The following TRIT1 variants were observed in gnomAD, a reference collection of about 807,000 sequenced individuals.
TRIT1 encodes the protein tRNA dimethylallyltransferase.
In TRIT1, 43 loss-of-function variants were observed where a neutral mutation model predicts 51.2. That is an observed-to-expected ratio of 0.84 (90% CI 0.66 to 1.08). The LOEUF is 1.08. Among genes scored for constraint, TRIT1 ranks in the 50% least tolerant of loss-of-function variants. The probability of loss-of-function intolerance (pLI) is 0.00; values close to 1 mark genes in which losing one functional copy is unlikely to be tolerated. For synonymous variants in TRIT1, 184 were observed against 203.9 expected, an observed-to-expected ratio of 0.90 and a Z score of 0.83; for missense variants, 528 against 578.4, an observed-to-expected ratio of 0.91 and a Z score of 0.89.
intron 1 of TRIT1, among the ~76,000 whole-genome samples, chr1:39,866,218 G>A (rs1476632233): frequency 6.6e-6 from 1 of 151,910 alleles, no homozygotes; most frequent in Non-Finnish European, 1.5e-5. Flanking sequence ...TGTCTCCCAG[G>A]CTAGAGTGCA....
rs1642281926 is a variant in TRIT1 at position 39,847,261 on chromosome 1, G to A, written c.965C>T (p.Ala322Val). The A allele has an allele frequency of 1.9e-6, 3 of 1,613,974 alleles. No individual in the cohort carries two copies. Among genetic ancestry groups the A allele is most frequent in the African/African-American group, 1.3e-5 (1 of 74,876 alleles). The change falls in exon 8 of 11, where the codon GCC (alanine) becomes GTC (valine). Residue 322 changes from alanine (A) to valine (V), a missense_variant. By Grantham distance (64) the Ala-to-Val change is moderately conservative. Around this residue, in one of 3 missense-constraint regions of TRIT1, gnomAD observed 468 missense variants for 522.6 expected, o/e 0.90. Coordinates refer to ENST00000316891, the MANE Select transcript of TRIT1 (RefSeq NM_017646.6). ...EALKQVTKRY[A>V]RKQNRWVKNR... ...TTTAACCCATCGGTTTTGTTTCCGG[G>A]CATATCTCTTAGTTACTTGTTTCAG...
At chr1:39,880,270 A>T (rs1249117621) in intron 1 of TRIT1, among the ~76,000 whole-genome samples, 99 of 64,278 alleles carry the variant, frequency 1.5e-3, no homozygotes, top group African/African-American at 0.011. Flanking sequence ...ACCTCAAATA[A>T]AAAAAAAAAA....
intron 3 of TRIT1, 46 bp from the exon 4 acceptor site, chr1:39,852,922 A>G: frequency 6.3e-7 from 1 of 1,591,352 alleles, no homozygotes; most frequent in Non-Finnish European, 8.6e-7. Flanking sequence ...ACCAACACTG[A>G]GACAGTGTAT....
At chr1:39,878,492 G>A (rs1002992665) in intron 1 of TRIT1, among the ~76,000 whole-genome samples, 1 of 152,186 alleles carries the variant, frequency 6.6e-6, no homozygotes, top group African/African-American at 2.4e-5. Flanking sequence ...TGAAGTACGA[G>A]ACAATTTAAC....
chr1:39,866,182 T>C (rs577982932), intron 1 of TRIT1, among the ~76,000 whole-genome samples: 1 of 152,224 alleles, frequency 6.6e-6, no homozygotes, highest in African/African-American at 2.4e-5. Context: ...ACATCTCTTC[T>C]AGTTCTTTTT....
intron 1 of TRIT1, among the ~76,000 whole-genome samples, chr1:39,866,209 G>A (rs149887989): frequency 1.4e-4 from 21 of 152,110 alleles, no homozygotes; most frequent in African/African-American, 4.6e-4. Flanking sequence ...CAGAGTCTCT[G>A]TCTCCCAGGC....
chr1:39,858,382 C>T (rs188725250), intron 1 of TRIT1, among the ~76,000 whole-genome samples: 108 of 152,272 alleles, frequency 7.1e-4, no homozygotes, highest in African/African-American at 2.4e-3. Flanking sequence ...ACTAGTTATT[C>T]GTAGTTGAAG....
chr1:39,879,598 G>A (rs2124691154), intron 1 of TRIT1, among the ~76,000 whole-genome samples: 1 of 151,966 alleles, frequency 6.6e-6, no homozygotes, highest in East Asian at 1.9e-4. Flanking sequence ...GCAGTGCCAG[G>A]CGCAGTGTCT....
chr1:39,878,661 T>C (rs1041754410), intron 1 of TRIT1, among the ~76,000 whole-genome samples: 4 of 152,198 alleles, frequency 2.6e-5, no homozygotes, highest in Non-Finnish European at 5.9e-5. Flanking sequence ...ACACTTTCTA[T>C]TTGGTCACCC....
intron 1 of TRIT1, among the ~76,000 whole-genome samples, chr1:39,857,836 T>G (rs1163777901): frequency 6.6e-6 from 1 of 152,208 alleles, no homozygotes; most frequent in South Asian, 2.1e-4. Context: ...TGGATTTAAA[T>G]AGCTCTAAAA....
rs542444850 is a variant in TRIT1, at chr1:39,846,483, C to T, written c.1006+737G>A. Among the ~76,000 whole-genome samples, 145 of 152,304 alleles carry T rather than the reference C, an allele frequency of 9.5e-4. 3 individuals are homozygous for T. The South Asian group carries it at 0.03, about 31-fold the overall frequency. On this transcript the variant is annotated intron_variant, in intron 8 of 10. Coordinates refer to ENST00000316891, the MANE Select transcript of TRIT1 (RefSeq NM_017646.6). ...ATGGTCCAATACTAATGCTGTCTTG[C>T]TAAAGTTACAGCTAAAGGAAGTAAG... is the stretch of plus-strand genomic sequence containing the variant.
intron 1 of TRIT1, among the ~76,000 whole-genome samples, chr1:39,880,470 A>T (rs1432413830): frequency 6.6e-6 from 1 of 152,162 alleles, no homozygotes; most frequent in Non-Finnish European, 1.5e-5. Context: ...AGTCAACCTC[A>T]AGTCACTGAA....
chr1:39,864,652 T>C (rs1643436175), intron 1 of TRIT1, among the ~76,000 whole-genome samples: 1 of 149,716 alleles, frequency 6.7e-6, no homozygotes, highest in South Asian at 2.1e-4. Flanking sequence ...AGTCCTGAAA[T>C]TGAGAAACCC....
intron 1 of TRIT1, among the ~76,000 whole-genome samples, chr1:39,862,417 A>G (rs543421146): frequency 7.9e-5 from 12 of 152,202 alleles, no homozygotes; most frequent in African/African-American, 2.9e-4. Flanking sequence ...AGAGCTGGTA[A>G]TGTTCTATTT....
chr1:39,847,939 G>A (rs752309680), intron 6 of TRIT1, 47 bp downstream of exon 6: 13 of 1,552,124 alleles, frequency 8.4e-6, no homozygotes, highest in Admixed American at 5.0e-5. Flanking sequence ...TCTTTTGATT[G>A]TCTGCAAAAT....
chr1:39,866,892 T>C (rs1026307027), intron 1 of TRIT1, among the ~76,000 whole-genome samples: 1 of 152,262 alleles, frequency 6.6e-6, no homozygotes, highest in East Asian at 1.9e-4. Context: ...CTCAGGAGAC[T>C]GAGGTGGGAG....
At position 39,850,101 on chromosome 1, in the gene TRIT1, G is replaced by A; in HGVS notation, c.703+18C>T. The A allele has an allele frequency of 6.2e-7, 1 of 1,613,694 alleles. No homozygotes were observed. The highest frequency in any genetic ancestry group is 1.1e-5 in the South Asian group (1 of 91,018). Reference sequence around the variant, plus strand: ...AGTTCCATCACAGATGGACTCTAGGGCATCAAAGGGCTGTTACCTGCCTGG... The same window carrying A: ...AGTTCCATCACAGATGGACTCTAGGACATCAAAGGGCTGTTACCTGCCTGG... On this transcript the variant is annotated intron_variant, in intron 5 of 10. Transcript: ENST00000316891.
At chr1:39,872,895 AAAAG>A (rs576807874) in intron 1 of TRIT1, among the ~76,000 whole-genome samples, 95 of 152,108 alleles carry the variant, frequency 6.2e-4, no homozygotes, top group Admixed American at 9.8e-4. Flanking sequence ...GAAGAAAACA[AAAAG>A]AAAGAAAGAA....
intron 7 of TRIT1, 21 bp downstream of exon 7, chr1:39,847,527 A>T: frequency 6.2e-7 from 1 of 1,612,502 alleles, no homozygotes; most frequent in Non-Finnish European, 8.5e-7. Flanking sequence ...CCAAGACTAG[A>T]TTAGATGGAA....
Sources: allele counts gnomAD v4.1 joint callset (sites outside exome capture counted in the v4.1 genomes callset), GRCh38; gene constraint gnomAD v4.1.1; regional missense constraint gnomAD v4.1.1; transcripts MANE v1.5; gene names NCBI Gene and HGNC (gene_info 2026-07-23, HGNC 2026-07-21).